Variants in BCR observed in about 807,000 individuals in gnomAD.
BCR encodes breakpoint cluster region protein.
A neutral mutation model predicts 138.6 loss-of-function variants in BCR; 58 were observed. The ratio of observed to expected loss-of-function variants is 0.42; its 90% confidence interval spans 0.34 to 0.52. BCR has a LOEUF of 0.52. Ranked by LOEUF, BCR falls within the 20% of genes least tolerant of loss-of-function variation. BCR has a pLI of 0.06. For synonymous variants in BCR, 786 were observed against 730.1 expected, an observed-to-expected ratio of 1.08 and a Z score of -1.23; for missense variants, 1,599 against 1,727.2, an observed-to-expected ratio of 0.93 and a Z score of 1.32.
chr22:23,217,397 G>T (rs974589550), intron 1 of BCR, among the ~76,000 whole-genome samples: 35 of 152,172 alleles, frequency 2.3e-4, no homozygotes, highest in African/African-American at 8.4e-4. Flanking sequence ...CACACCATGG[G>T]GTACCTTCAA....
At position 23,290,505 on chromosome 22, in the gene BCR, A is replaced by G. The variant is rs1010624440; in HGVS notation, c.2782+92A>G. On this transcript the variant is annotated intron_variant, in intron 14 of 22. Transcript: ENST00000305877. Reference sequence around the variant, plus strand: ...TCGGGCAGGGTGTGGGGAAACAGGGAGGTTGTTCAGATGACCACGGGACAC... The same window carrying G: ...TCGGGCAGGGTGTGGGGAAACAGGGGGGTTGTTCAGATGACCACGGGACAC... 6.0e-6 allele frequency: 8 copies of G among 1,344,518 alleles called. No individual in the cohort carries two copies. In the African/African-American group the frequency reaches 1.0e-4, roughly 17 times the overall value. 83.3% of individuals were successfully genotyped at this position (1,344,518 alleles called of 1,614,324 possible).
intron 19 of BCR, 32 bp from the exon 20 acceptor site, chr22:23,312,855 A>G (rs1369378493): frequency 1.9e-6 from 3 of 1,595,932 alleles, no homozygotes; most frequent in Admixed American, 1.7e-5. Context: ...GGGATCCTCA[A>G]GGAGGCCGCT....
intron 1 of BCR, among the ~76,000 whole-genome samples, chr22:23,210,136 G>C (rs1221258034): frequency 1.3e-5 from 2 of 152,204 alleles, no homozygotes; most frequent in East Asian, 3.9e-4. Context: ...ACATCTTAAA[G>C]ACTTAGGCTG....
At chr22:23,209,055 T>TG (rs1462904956) in intron 1 of BCR, among the ~76,000 whole-genome samples, 1 of 152,158 alleles carries the variant, frequency 6.6e-6, no homozygotes, top group African/African-American at 2.4e-5. Flanking sequence ...TGTTGTAGCA[T>TG]GCATTAGAAT....
intron 1 of BCR, among the ~76,000 whole-genome samples, chr22:23,193,411 G>T (rs2033940455): frequency 6.6e-6 from 1 of 152,224 alleles, no homozygotes; most frequent in Admixed American, 6.5e-5. Flanking sequence ...AGACCATCTG[G>T]CCTCCTGTCT....
At chr22:23,261,776 T>G in intron 4 of BCR, 1 of 270,648 alleles carries the variant, frequency 3.7e-6, no homozygotes, top group Non-Finnish European at 6.9e-6. Context: ...ATAGTTATTT[T>G]TAAAAAGAGA....
At chr22:23,295,260 G>A (rs2146312236) in intron 16 of BCR, 105 bp downstream of exon 16, 1 of 1,283,266 alleles carries the variant, frequency 7.8e-7, no homozygotes, top group South Asian at 1.5e-5. Context: ...AGGGTGGGGT[G>A]GGGTGGGCAG....
At chr22:23,254,089 T>C (rs1209821980) in intron 2 of BCR, 109 bp downstream of exon 2, 34 of 1,280,790 alleles carry the variant, frequency 2.7e-5, no homozygotes, top group Non-Finnish European at 3.5e-5. Context: ...GCCAATGGTT[T>C]GGAAGCGAGT....
chr22:23,293,894 G>A (rs893108177), intron 15 of BCR, among the ~76,000 whole-genome samples: 1 of 151,562 alleles, frequency 6.6e-6, no homozygotes, highest in Non-Finnish European at 1.5e-5. Context: ...GAAGCCATGC[G>A]CGCACACGCC....
At chr22:23,240,741 G>T (rs2073080729) in intron 1 of BCR, among the ~76,000 whole-genome samples, 1 of 152,092 alleles carries the variant, frequency 6.6e-6, no homozygotes, top group Non-Finnish European at 1.5e-5. Context: ...GTGGTATTCA[G>T]TACATCCACA....
intron 1 of BCR, among the ~76,000 whole-genome samples, chr22:23,249,966 G>T (rs1009993503): frequency 6.6e-6 from 1 of 152,210 alleles, no homozygotes; most frequent in Non-Finnish European, 1.5e-5. Context: ...TAATTCCCCA[G>T]CAGAGTCTGG....
chr22:23,243,549 C>G (rs761259937), intron 1 of BCR, among the ~76,000 whole-genome samples: 55 of 152,276 alleles, frequency 3.6e-4, no homozygotes, highest in Admixed American at 7.8e-4. Context: ...ACCCTGTTAC[C>G]CAGCCCTCTT....
intron 8 of BCR, among the ~76,000 whole-genome samples, chr22:23,279,673 T>C (rs1272290903): frequency 6.6e-6 from 1 of 152,234 alleles, no homozygotes; most frequent in Non-Finnish European, 1.5e-5. Context: ...GTGGGCTTCT[T>C]TGGCAACTTT....
intron 4 of BCR, among the ~76,000 whole-genome samples, chr22:23,267,399 G>C (rs1023293564): frequency 4.6e-5 from 7 of 152,182 alleles, no homozygotes; most frequent in African/African-American, 1.7e-4. Flanking sequence ...TGCAGCCCTT[G>C]TAGGGAGCAG....
chr22:23,232,260 G>C (rs770093711), intron 1 of BCR, among the ~76,000 whole-genome samples: 2 of 152,246 alleles, frequency 1.3e-5, no homozygotes, highest in African/African-American at 4.8e-5. Flanking sequence ...CACCTCACAG[G>C]GACTCGGGGT....
chr22:23,302,173 A>G (rs1424223051), intron 16 of BCR, among the ~76,000 whole-genome samples: 3 of 152,102 alleles, frequency 2.0e-5, no homozygotes, highest in Admixed American at 2.0e-4. Flanking sequence ...GAAGAGCAGG[A>G]GCCAAAATCT....
At chr22:23,259,019 C>T (rs910770823) in intron 2 of BCR, among the ~76,000 whole-genome samples, 1 of 152,256 alleles carries the variant, frequency 6.6e-6, no homozygotes, top group Non-Finnish European at 1.5e-5. Context: ...AGCACGGCCT[C>T]AGCCCGGTGG....
At chr22:23,292,479 C>A (rs1568977297) in intron 14 of BCR, 62 bp from the exon 15 acceptor site, 3 of 1,182,276 alleles carry the variant, frequency 2.5e-6, no homozygotes, top group South Asian at 1.3e-5. Flanking sequence ...CCTGCTCTTA[C>A]AGACCATGTG....
rs557792305 is a variant in BCR at position 23,185,286 on chromosome 22, G to A, written c.1279+3047G>A. 2.0e-5 allele frequency among the ~76,000 whole-genome samples: 3 copies of A among 152,296 alleles called. No homozygotes were observed. In the East Asian group the frequency reaches 5.8e-4, roughly 29 times the overall value. ...ACTGCTACCTGCAAAGCACAACTGG[G>A]GAGGTTCAGGGCGTCCTTCCAGTCT... On this transcript the variant is annotated intron_variant, in intron 1 of 22. Transcript: ENST00000305877.
Sources: gnomAD v4.1 joint callset for allele counts (sites outside exome capture counted in the v4.1 genomes callset) on GRCh38, gnomAD v4.1.1 for gene constraint, MANE v1.5 for transcripts, NCBI Gene and HGNC (gene_info 2026-07-23, HGNC 2026-07-21) for gene names.